The following B3GLCT variants were observed in gnomAD, a reference collection of about 807,000 sequenced individuals.
The protein encoded by B3GLCT is beta 3-glucosyltransferase, also known as beta-1,3-glucosyltransferase.
B3GLCT carries 65 observed loss-of-function variants against 63.4 expected under a neutral mutation model. The ratio of observed to expected loss-of-function variants is 1.03; its 90% CI spans 0.84 to 1.26. B3GLCT has a LOEUF of 1.26. Ranked by LOEUF, B3GLCT falls within the 50% of genes most tolerant of loss-of-function variation. The pLI is 0.00. For missense variants in B3GLCT, 577 were observed against 604.8 expected (o/e 0.95, Z 0.48); for synonymous variants, 233 against 219.2 (o/e 1.06, Z -0.55).
At chr13:31,316,516 G>T (rs1875040860) in intron 12 of B3GLCT, among the ~76,000 whole-genome samples, 1 of 148,948 alleles carries the variant, frequency 6.7e-6, no homozygotes, top group Non-Finnish European at 1.5e-5. Context: ...GCATTTGGAG[G>T]TTTAATATTT....
intron 6 of B3GLCT, among the ~76,000 whole-genome samples, chr13:31,254,276 C>T (rs117345450): frequency 0.016 from 2,417 of 152,288 alleles, 39 homozygotes; most frequent in Non-Finnish European, 0.021. Context: ...ATGCGAAGAT[C>T]CTCAATGCTG....
intron 8 of B3GLCT, among the ~76,000 whole-genome samples, chr13:31,272,613 G>A (rs1453470900): frequency 6.6e-6 from 1 of 151,944 alleles, no homozygotes; most frequent in Non-Finnish European, 1.5e-5. Flanking sequence ...AAATCTGTCT[G>A]TACTTTACTG....
At position 31,331,670 on chromosome 13, in the gene B3GLCT, T is replaced by C. The variant is rs971832030; in HGVS notation, c.*2002T>C. The C allele has an allele frequency of 1.3e-5, 2 of 152,216 alleles. No individual in the cohort carries two copies. Among genetic ancestry groups the C allele is most frequent in the African/African-American group, 4.8e-5 (2 of 41,462 alleles). The allele number at this position is 152,216 out of a possible 1,614,324, so 9.4% of individuals were successfully genotyped here. On this transcript the variant is annotated 3_prime_UTR_variant, in exon 15 of 15. Transcript: ENST00000343307. The stretch of plus-strand genomic sequence containing the variant: ...GAATAATTACTTCAGAGCTACCCTT[T>C]TAAGAGAAAACCATCAGAAATTGAT...
chr13:31,267,017 C>T (rs981769362), intron 7 of B3GLCT, among the ~76,000 whole-genome samples: 8 of 152,162 alleles, frequency 5.3e-5, no homozygotes, highest in Admixed American at 3.3e-4. Flanking sequence ...ATGATCCCCA[C>T]GCCTCAGCCT....
chr13:31,254,143 T>C (rs1370075721), intron 6 of B3GLCT, among the ~76,000 whole-genome samples: 2 of 151,954 alleles, frequency 1.3e-5, no homozygotes, highest in Non-Finnish European at 2.9e-5. Context: ...CTCCAAACAA[T>C]AGAAAAAGAG....
intron 7 of B3GLCT, among the ~76,000 whole-genome samples, chr13:31,263,419 GTTCAA>G (rs1872140144): frequency 1.3e-5 from 2 of 152,024 alleles, no homozygotes; most frequent in African/African-American, 4.8e-5. Flanking sequence ...ATATAGGGCA[GTTCAA>G]CCTAACTCTT....
At chr13:31,318,207 A>G (rs1030631840) in intron 13 of B3GLCT, among the ~76,000 whole-genome samples, 6 of 152,196 alleles carry the variant, frequency 3.9e-5, no homozygotes, top group African/African-American at 1.4e-4. Context: ...CTTGATTTAT[A>G]TGGGTAAATC....
intron 13 of B3GLCT, among the ~76,000 whole-genome samples, chr13:31,319,292 C>G (rs748131769): frequency 4.1e-4 from 63 of 152,208 alleles, no homozygotes; most frequent in Non-Finnish European, 8.1e-4. Context: ...TAAAACTTCT[C>G]ACCACCACCA....
intron 13 of B3GLCT, among the ~76,000 whole-genome samples, chr13:31,321,391 T>G (rs1303713205): frequency 6.6e-6 from 1 of 152,260 alleles, no homozygotes; most frequent in Non-Finnish European, 1.5e-5. Context: ...AATCAGTGGC[T>G]TGTAAAACCA....
chr13:31,215,588 G>A lies in B3GLCT; in HGVS notation c.120+488G>A, dbSNP rs544759677. Among the ~76,000 whole-genome samples the A allele has an allele frequency of 3.9e-5, 6 of 152,016 alleles. No homozygotes were observed. The East Asian group carries it at 7.7e-4, about 20-fold the overall frequency. On this transcript the variant is annotated intron_variant, in intron 2 of 14. Transcript: ENST00000343307. ...GCCACCATGCCCGGCTAATTTTTGC[G>A]TTTTTAGTGGAGACGGGGTTTCATC...
chr13:31,264,233 C>T (rs1373250480), intron 7 of B3GLCT, among the ~76,000 whole-genome samples: 3 of 152,068 alleles, frequency 2.0e-5, no homozygotes, highest in Non-Finnish European at 2.9e-5. Flanking sequence ...ACATTCAGAC[C>T]ATAGTAATAG....
intron 12 of B3GLCT, among the ~76,000 whole-genome samples, chr13:31,297,547 G>A (rs1051764738): frequency 7.2e-5 from 11 of 152,032 alleles, no homozygotes; most frequent in African/African-American, 2.7e-4. Context: ...TGTGGAGCAG[G>A]GAGAGTTCTC....
At chr13:31,234,267 G>A (rs1400803199) in intron 4 of B3GLCT, among the ~76,000 whole-genome samples, 2 of 152,030 alleles carry the variant, frequency 1.3e-5, no homozygotes, top group Non-Finnish European at 2.9e-5. Context: ...TAATCTTCCT[G>A]CCTCGGCCTC....
intron 1 of B3GLCT, among the ~76,000 whole-genome samples, chr13:31,212,267 CTTTTTTTTTTTTT>C (rs59719685): frequency 1.1e-5 from 1 of 91,638 alleles, no homozygotes. Flanking sequence ...GCATAACTGG[CTTTTTTTTTTTTT>C]TTTTTTTTTT....
rs541338082 is a variant in B3GLCT at position 31,225,765 on chromosome 13, C to T, written c.160+2774C>T. The stretch of plus-strand genomic sequence containing the variant: ...GGAGGGTCTTCCCACCCCTTTTTTC[C>T]CCCATCTTCGGGACAGTGTCCTCCT... On this transcript the variant is annotated intron_variant, in intron 3 of 14. Transcript: ENST00000343307. 2.6e-5 allele frequency among the ~76,000 whole-genome samples: 4 copies of T among 152,206 alleles called. No individual in the cohort carries two copies. In the South Asian group the frequency reaches 8.3e-4, roughly 32 times the overall value.
chr13:31,314,989 T>A (rs1874920999), intron 12 of B3GLCT, among the ~76,000 whole-genome samples: 1 of 152,210 alleles, frequency 6.6e-6, no homozygotes, highest in Non-Finnish European at 1.5e-5. Flanking sequence ...TCATTGTCTT[T>A]TGCTGCCACC....
At chr13:31,255,037 CAAAA>C (rs59957215) in intron 6 of B3GLCT, among the ~76,000 whole-genome samples, 6 of 130,730 alleles carry the variant, frequency 4.6e-5, no homozygotes, top group Admixed American at 1.5e-4. Context: ...GACGCTGTCT[CAAAA>C]AAAAAAAAAA....
intron 13 of B3GLCT, among the ~76,000 whole-genome samples, chr13:31,319,234 G>A (rs571424812): frequency 5.9e-5 from 9 of 152,240 alleles, no homozygotes; most frequent in African/African-American, 2.2e-4. Flanking sequence ...TGTGCTCAGC[G>A]TCTACCCTGC....
intron 2 of B3GLCT, among the ~76,000 whole-genome samples, chr13:31,221,165 A>C (rs1162775026): frequency 2.0e-5 from 3 of 152,160 alleles, no homozygotes; most frequent in African/African-American, 7.2e-5. Flanking sequence ...TCATTTGCAA[A>C]AGGGGAGTGT....
Sources: allele counts gnomAD v4.1 joint callset (sites outside exome capture counted in the v4.1 genomes callset), GRCh38; gene constraint gnomAD v4.1.1; transcripts MANE v1.5; gene names NCBI Gene and HGNC (gene_info 2026-07-23, HGNC 2026-07-21).